The following ELOVL7 variants were observed in gnomAD, a reference collection of about 807,000 sequenced individuals.
ELOVL7 encodes very long chain fatty acid elongase 7.
In ELOVL7, 27 loss-of-function variants were observed where a neutral mutation model predicts 35.7. That is an observed-to-expected ratio of 0.76 (90% CI 0.56 to 1.04). ELOVL7 has a LOEUF of 1.04. Among genes scored for constraint, ELOVL7 ranks in the 50% least tolerant of loss-of-function variants. The probability of loss-of-function intolerance (pLI) is 0.00; values close to 1 mark genes in which losing one functional copy is unlikely to be tolerated. For synonymous variants in ELOVL7, 113 were observed against 114.6 expected (o/e 0.99, Z 0.09); for missense variants, 327 against 340.8 (o/e 0.96, Z 0.32).
chr5:60,783,450 C>G (rs553297386), intron 3 of ELOVL7, among the ~76,000 whole-genome samples: 1 of 152,186 alleles, frequency 6.6e-6, no homozygotes, highest in African/African-American at 2.4e-5. Context: ...AACAGTTATA[C>G]CTTTCTGAAT....
At chr5:60,804,522 TAAGAA>T (rs1744819716) in intron 1 of ELOVL7, among the ~76,000 whole-genome samples, 1 of 152,160 alleles carries the variant, frequency 6.6e-6, no homozygotes, top group Non-Finnish European at 1.5e-5. Context: ...ATGTGAGTAT[TAAGAA>T]AAGCATCTTA....
chr5:60,778,647 G>A (rs1381679759), intron 3 of ELOVL7, among the ~76,000 whole-genome samples: 1 of 152,124 alleles, frequency 6.6e-6, no homozygotes, highest in Non-Finnish European at 1.5e-5. Flanking sequence ...CATAACATGT[G>A]GGGATTATAG....
chr5:60,824,964 T>A (rs373086826), intron 1 of ELOVL7, among the ~76,000 whole-genome samples: 1 of 98,372 alleles, frequency 1.0e-5, no homozygotes, highest in African/African-American at 3.0e-5. Context: ...TCACTTCTTT[T>A]TTTTTTTTTG....
At chr5:60,803,185 C>T (rs1744743274) in intron 1 of ELOVL7, among the ~76,000 whole-genome samples, 1 of 152,170 alleles carries the variant, frequency 6.6e-6, no homozygotes, top group Admixed American at 6.5e-5. Context: ...TGCAGTGATT[C>T]CTTGGTTAAT....
At chr5:60,778,771 G>C (rs1006662586) in intron 3 of ELOVL7, among the ~76,000 whole-genome samples, 1 of 152,070 alleles carries the variant, frequency 6.6e-6, no homozygotes, top group South Asian at 2.1e-4. Context: ...CATGCCTTCC[G>C]AACAATCCCC....
At chr5:60,811,284 A>G (rs1196982969) in intron 1 of ELOVL7, among the ~76,000 whole-genome samples, 2 of 152,308 alleles carry the variant, frequency 1.3e-5, no homozygotes, top group African/African-American at 4.8e-5. Flanking sequence ...CACATACTAT[A>G]TATATACTAC....
intron 2 of ELOVL7, 34 bp from the exon 3 acceptor site, chr5:60,787,465 T>C: frequency 8.3e-7 from 1 of 1,208,992 alleles, no homozygotes; most frequent in South Asian, 1.4e-5. Flanking sequence ...GAGTTTATAA[T>C]CTATAAATGC....
intron 6 of ELOVL7, among the ~76,000 whole-genome samples, chr5:60,765,772 A>G (rs1228295689): frequency 4.6e-5 from 7 of 152,228 alleles, no homozygotes; most frequent in Non-Finnish European, 8.8e-5. Context: ...TTATGTGATT[A>G]GTCATTTCAA....
chr5:60,830,864 T>G (rs1746444197), intron 1 of ELOVL7, among the ~76,000 whole-genome samples: 1 of 152,238 alleles, frequency 6.6e-6, no homozygotes, highest in African/African-American at 2.4e-5. Flanking sequence ...AAAAATAATT[T>G]TTGCTTGGTA....
chr5:60,759,049 C>T (rs913313739), intron 7 of ELOVL7, among the ~76,000 whole-genome samples: 19 of 152,224 alleles, frequency 1.2e-4, no homozygotes, highest in African/African-American at 3.1e-4. Flanking sequence ...GTAGAAATTG[C>T]TTTTAAATAA....
At chr5:60,837,370 T>G (rs1361047584) in intron 1 of ELOVL7, among the ~76,000 whole-genome samples, 1 of 146,054 alleles carries the variant, frequency 6.8e-6, no homozygotes. Context: ...ACCAGGAGAA[T>G]TGCTTGAACC....
At chr5:60,784,789 G>T (rs112446185) in intron 3 of ELOVL7, among the ~76,000 whole-genome samples, 1 of 152,106 alleles carries the variant, frequency 6.6e-6, no homozygotes. Context: ...GCCTGACAGC[G>T]TTTTTTATAA....
chr5:60,841,307 C>T (rs1191043528), intron 1 of ELOVL7, among the ~76,000 whole-genome samples: 2 of 151,968 alleles, frequency 1.3e-5, no homozygotes, highest in Non-Finnish European at 2.9e-5. Context: ...ATTACAGGGG[C>T]GAACCACTGT....
chr5:60,823,734 T>C (rs1746016424), intron 1 of ELOVL7, among the ~76,000 whole-genome samples: 1 of 152,234 alleles, frequency 6.6e-6, no homozygotes, highest in South Asian at 2.1e-4. Flanking sequence ...TGGTTCTCAA[T>C]CTTAGTTGCA....
chr5:60,754,558 G>A lies in ELOVL7; in HGVS notation c.*66C>T. Reference sequence around the variant, plus strand: ...AAAAATATACAAAATGCACTGCATAGGTAAATATCTCTTGATTGTCAAGGA... The same window carrying A: ...AAAAATATACAAAATGCACTGCATAAGTAAATATCTCTTGATTGTCAAGGA... On this transcript the variant is annotated 3_prime_UTR_variant, in exon 9 of 9. Transcript: ENST00000508821. 7.0e-7 allele frequency: 1 copy of A among 1,421,960 alleles called. No individual in the cohort carries two copies. Among genetic ancestry groups the A allele is most frequent in the Non-Finnish European group, 9.9e-7 (1 of 1,010,994 alleles). 88.1% of individuals were successfully genotyped at this position (1,421,960 alleles called of 1,614,324 possible).
At chr5:60,768,580 G>A in intron 4 of ELOVL7, 2 of 414,068 alleles carry the variant, frequency 4.8e-6, no homozygotes, top group Non-Finnish European at 9.8e-6. Context: ...AGGCTGATGT[G>A]ACAAGAAAGA....
At chr5:60,769,202 T>A (rs185944091) in intron 4 of ELOVL7, among the ~76,000 whole-genome samples, 5 of 152,316 alleles carry the variant, frequency 3.3e-5, no homozygotes, top group African/African-American at 7.2e-5. Context: ...GCCAAATGAA[T>A]AAGGGCACGT....
chr5:60,765,522 T>C (rs139064969), intron 6 of ELOVL7, among the ~76,000 whole-genome samples: 151 of 152,338 alleles, frequency 9.9e-4, no homozygotes, highest in African/African-American at 3.5e-3. Context: ...CAATGTGGGC[T>C]GGAACCACCA....
chr5:60,796,368 C>T (rs1366924501), intron 2 of ELOVL7, among the ~76,000 whole-genome samples: 1 of 152,220 alleles, frequency 6.6e-6, no homozygotes, highest in Non-Finnish European at 1.5e-5. Context: ...GATTTCTCAA[C>T]CTCGACAGTA....
Sources: gnomAD v4.1 joint callset for allele counts (sites outside exome capture counted in the v4.1 genomes callset) on GRCh38, gnomAD v4.1.1 for gene constraint, MANE v1.5 for transcripts, NCBI Gene and HGNC (gene_info 2026-07-23, HGNC 2026-07-21) for gene names.